Variants in PDE12 observed in about 807,000 individuals in gnomAD.
PDE12 encodes the protein phosphodiesterase 12.
In PDE12, 26 loss-of-function variants were observed where a neutral mutation model predicts 45.4. The observed-to-expected ratio is 0.57, with a 90% CI of 0.42 to 0.79. The LOEUF (loss-of-function observed/expected upper bound fraction) is 0.79, where lower values mean the gene tolerates loss of function less well. PDE12 is among the 30% of genes least tolerant of loss of function. The pLI, the probability that PDE12 is intolerant of heterozygous loss-of-function variation, is 0.00. For synonymous variants in PDE12, 283 were observed against 323.9 expected (o/e 0.87, Z 1.36); for missense variants, 668 against 790.0 (o/e 0.85, Z 1.85).
the PDE12 span, chr3:57,584,515 G>C: frequency 7.0e-7 from 1 of 1,438,650 alleles, no homozygotes. Context: ...CACACTCCAA[G>C]AAATAATTTT....
At chr3:57,599,623 C>T in the PDE12 span, among the ~76,000 whole-genome samples, 3 of 152,124 alleles carry the variant, frequency 2.0e-5, no homozygotes, top group Non-Finnish European at 4.4e-5. Context: ...AAAACCTGAA[C>T]CAAAACAAAA....
chr3:57,615,472 AAATT>A, the PDE12 span, among the ~76,000 whole-genome samples: 1 of 152,160 alleles, frequency 6.6e-6, no homozygotes, highest in Non-Finnish European at 1.5e-5. Flanking sequence ...AAGAGAGAGA[AAATT>A]AAAACCAAAG....
At chr3:57,613,078 T>G in the PDE12 span, among the ~76,000 whole-genome samples, 1 of 151,648 alleles carries the variant, frequency 6.6e-6, no homozygotes, top group African/African-American at 2.4e-5. Context: ...CCTCCCGGGT[T>G]CAAGCGATTT....
At chr3:57,608,211 C>T in the PDE12 span, among the ~76,000 whole-genome samples, 3 of 152,106 alleles carry the variant, frequency 2.0e-5, no homozygotes, top group African/African-American at 7.2e-5. Context: ...ACCACCAGGC[C>T]TGCCCTACAA....
chr3:57,572,723 T>C, the PDE12 span, among the ~76,000 whole-genome samples: 1 of 152,042 alleles, frequency 6.6e-6, no homozygotes, highest in African/African-American at 2.4e-5. Flanking sequence ...GACAAGATTT[T>C]CCCCCCTCAT....
chr3:57,616,902 T>C, the PDE12 span, among the ~76,000 whole-genome samples: 1 of 152,008 alleles, frequency 6.6e-6, no homozygotes, highest in Non-Finnish European at 1.5e-5. Context: ...TGCATGCCTG[T>C]AGTCCCAGCT....
chr3:57,633,377 A>C, the PDE12 span: 3 of 1,567,634 alleles, frequency 1.9e-6, no homozygotes, highest in Non-Finnish European at 2.6e-6. Flanking sequence ...AATAATGAGA[A>C]TCTGTATTCT....
the PDE12 span, chr3:57,583,846 T>C: frequency 5.4e-6 from 7 of 1,292,332 alleles, no homozygotes; most frequent in African/African-American, 1.5e-5. Context: ...ATAAAAACTT[T>C]AGAGCATGAA....
chr3:57,646,202 CAAT>C, the PDE12 span: 4 of 1,413,658 alleles, frequency 2.8e-6, no homozygotes, highest in Admixed American at 2.4e-5. Flanking sequence ...TGGATCAATG[CAAT>C]AATGGGTGGG....
the PDE12 span, chr3:57,634,815 A>T: frequency 2.0e-5 from 28 of 1,425,498 alleles, no homozygotes; most frequent in Non-Finnish European, 2.6e-5. Flanking sequence ...CTAATCATAC[A>T]TATTACAAAA....
Position 57,559,565 on chromosome 3 carries a change from G to GGTAT in PDE12, c.1392_1395dup (p.Ile466ValfsTer20). The GGTAT allele has an allele frequency of 1.2e-6, 2 of 1,601,300 alleles. No individual in the cohort carries two copies. Among genetic ancestry groups the GGTAT allele is most frequent in the Non-Finnish European group, 1.7e-6 (2 of 1,171,814 alleles). ...TTAATGTTTTTTATATTCATAGGTG[G>GGTAT]GTATATTCGCCTCATTCAAATGGCA... is the stretch of plus-strand genomic sequence containing the variant. On this transcript the variant is annotated frameshift_variant, in exon 3 of 3. Coordinates refer to ENST00000311180, the MANE Select transcript of PDE12 (RefSeq NM_177966.7). LOFTEE classifies it high-confidence loss of function.
the PDE12 span, among the ~76,000 whole-genome samples, chr3:57,590,510 A>G: frequency 6.6e-6 from 1 of 152,176 alleles, no homozygotes; most frequent in Non-Finnish European, 1.5e-5. Context: ...GTTAGATCCA[A>G]TGATCTCAAC....
the PDE12 span, among the ~76,000 whole-genome samples, chr3:57,606,554 G>A: frequency 1.3e-5 from 2 of 152,038 alleles, no homozygotes; most frequent in Admixed American, 6.6e-5. Context: ...AAAAGATTAA[G>A]TATAATAGTG....
At chr3:57,558,130 A>G (rs750458270) in intron 1 of PDE12, among the ~76,000 whole-genome samples, 3 of 152,158 alleles carry the variant, frequency 2.0e-5, no homozygotes, top group Non-Finnish European at 2.9e-5. Flanking sequence ...TAAGTCCCCT[A>G]TTCCCATTTT....
the PDE12 span, chr3:57,631,008 A>T: frequency 1.2e-6 from 2 of 1,601,522 alleles, no homozygotes; most frequent in Non-Finnish European, 1.7e-6. Flanking sequence ...TAATAAAAGG[A>T]GTGTCTTCAA....
At chr3:57,580,480 C>A in the PDE12 span, among the ~76,000 whole-genome samples, 1 of 152,160 alleles carries the variant, frequency 6.6e-6, no homozygotes, top group Non-Finnish European at 1.5e-5. Context: ...TAGCTCACTT[C>A]AGCCTCCAAC....
the PDE12 span, among the ~76,000 whole-genome samples, chr3:57,632,000 G>A: frequency 1.5e-4 from 19 of 127,462 alleles, no homozygotes; most frequent in Middle Eastern, 7.1e-3. Context: ...GGGATTACAG[G>A]CGTGAGCCAC....
the PDE12 span, among the ~76,000 whole-genome samples, chr3:57,578,830 T>C: frequency 6.6e-6 from 1 of 151,348 alleles, no homozygotes; most frequent in African/African-American, 2.4e-5. Flanking sequence ...AGGAAGCAAC[T>C]AGTTGAACTG....
the PDE12 span, among the ~76,000 whole-genome samples, chr3:57,618,722 C>T: frequency 6.8e-6 from 1 of 146,960 alleles, no homozygotes; most frequent in Non-Finnish European, 1.5e-5. Context: ...GATTCTCCTG[C>T]CTCAGCCTCC....
Sources: gnomAD v4.1 joint callset for allele counts (sites outside exome capture counted in the v4.1 genomes callset) on GRCh38, gnomAD v4.1.1 for gene constraint, MANE v1.5 for transcripts, NCBI Gene and HGNC (gene_info 2026-07-23, HGNC 2026-07-21) for gene names.